ELF4: variants seen among roughly 807,000 people sequenced by gnomAD.
ELF4 encodes the protein ETS-related transcription factor Elf-4.
ELF4 carries 10 observed loss-of-function variants against 31.7 expected under a neutral mutation model. The observed-to-expected ratio is 0.32, with a 90% CI of 0.19 to 0.54. ELF4 has a LOEUF of 0.54. ELF4 is among the 20% of genes least tolerant of loss of function. The pLI is 0.95. For missense variants in ELF4, 418 were observed against 522.0 expected (o/e 0.80, Z 1.94); for synonymous variants, 208 against 226.7 (o/e 0.92, Z 0.74).
intron 1 of ELF4, among the ~76,000 whole-genome samples, chrX:130,101,786 G>T (rs186256944): frequency 9.9e-6 from 1 of 101,281 alleles, no homozygotes; most frequent in South Asian, 4.2e-4. Flanking sequence ...GCGACAAGAG[G>T]GAAACTCCGT....
rs931015302 is a variant in ELF4, at chrX:130,075,783, A to T, written c.76-1031T>A. Among the ~76,000 whole-genome samples the T allele has an allele frequency of 7.1e-5, 8 of 111,907 alleles. No individual in the cohort carries two copies. In the East Asian group the frequency reaches 2.2e-3, roughly 31 times the overall value. On this transcript the variant is annotated intron_variant, in intron 2 of 8. Coordinates refer to ENST00000308167, the MANE Select transcript of ELF4 (RefSeq NM_001421.4). ...AGTTCGCAGCCAGAGTTAGGGGCTC[A>T]GACATCTTCGGGCTCCGTCTGTGGC... is the stretch of plus-strand genomic sequence containing the variant.
chrX:130,080,640 A>C (rs987156057), intron 2 of ELF4, among the ~76,000 whole-genome samples: 4 of 110,999 alleles, frequency 3.6e-5, no homozygotes, highest in African/African-American at 1.3e-4. Flanking sequence ...ATCTAAGTGC[A>C]CAGAAAACGT....
At chrX:130,072,193 GA>G in intron 5 of ELF4, 32 bp downstream of exon 5, 3 of 1,203,741 alleles carry the variant, frequency 2.5e-6, no homozygotes, top group Non-Finnish European at 3.4e-6. Context: ...CATCCCCTCG[GA>G]GACACACATA....
rs1346446966 is a variant in ELF4 at position 130,069,405 on chromosome X, G to C, written c.1082C>G (p.Ser361Cys). The C allele has an allele frequency of 1.7e-6, 2 of 1,210,626 alleles. No homozygotes were observed. The highest frequency in any genetic ancestry group is 3.5e-5 in the African/African-American group (2 of 57,364). ...PKIQHVGLQPSASLELGPSLD... is the reference protein window; with the variant it reads ...PKIQHVGLQPCASLELGPSLD... Reference sequence around the variant, plus strand: ...CGACGGTCCCAATTCCAGACTCGCAGATGGCTGGAGACCGACATGCTGAAT... The same window carrying C: ...CGACGGTCCCAATTCCAGACTCGCACATGGCTGGAGACCGACATGCTGAAT... The change falls in exon 8 of 9, where the codon TCT becomes TGT. Residue 361 changes from serine to cysteine, a missense_variant. Physicochemically the swap from Ser to Cys is moderately radical, Grantham distance 112 (BLOSUM62 -1). Coordinates refer to ENST00000308167, the MANE Select transcript of ELF4 (RefSeq NM_001421.4).
chrX:130,072,183 C>CCAACCCA, intron 5 of ELF4, 43 bp downstream of exon 5: 1 of 1,175,008 alleles, frequency 8.5e-7, no homozygotes, highest in Non-Finnish European at 1.2e-6. Flanking sequence ...ACGCCCCGCC[C>CCAACCCA]ATCCCCTCGG....
chrX:130,067,313 G>A lies in ELF4; in HGVS notation c.1400C>T (p.Ala467Val). 3.3e-6 allele frequency: 4 copies of A among 1,212,137 alleles called. No individual in the cohort carries two copies. Among genetic ancestry groups the A allele is most frequent in the Non-Finnish European group, 4.5e-6 (4 of 895,565 alleles). The change falls in exon 9 of 9, where the codon GCC becomes GTC. Residue 467 changes from alanine (A) to valine (V), a missense_variant. Physicochemically the swap from Ala to Val is moderately conservative, Grantham distance 64 (BLOSUM62 0). Around this residue, in one of 4 missense-constraint regions of ELF4, gnomAD observed 260 missense variants for 269.2 expected, o/e 0.97. Coordinates refer to ENST00000308167, the MANE Select transcript of ELF4 (RefSeq NM_001421.4). ...TGCCACCTGGCTGTCTTGGAAACTG[G>A]CGTTCAGGGGGAAAGAGGCCTGCAA... Reference protein sequence around the residue: ...FTLQASFPLNASFQDSQVAAP... With the variant: ...FTLQASFPLNVSFQDSQVAAP...
At position 130,102,310 on chromosome X, in the gene ELF4, T is replaced by C. The variant is rs776354576; in HGVS notation, c.-210+8015A>G. Among the ~76,000 whole-genome samples, 10 of 111,940 alleles carry C rather than the reference T, an allele frequency of 8.9e-5. No individual in the cohort carries two copies. The East Asian group carries it at 2.8e-3, about 31-fold the overall frequency. On this transcript the variant is annotated intron_variant, in intron 1 of 8. Transcript: ENST00000308167. ...AAAACAACTTCAAACAAAAGCAAAG[T>C]TGAAAGGCTAATACTACCTGATTTC...
chrX:130,110,943 G>A (rs1350882673), upstream of ELF4, among the ~76,000 whole-genome samples: 7 of 89,797 alleles, frequency 7.8e-5, no homozygotes, highest in Non-Finnish European at 1.3e-4. Flanking sequence ...GCGCGAAGGA[G>A]GCAGGGCGGG....
At position 130,073,957 on chromosome X, in the gene ELF4, C is replaced by T. The variant is rs997778593; in HGVS notation, c.340+92G>A. 21 of 938,053 alleles carry T rather than the reference C, an allele frequency of 2.2e-5. No individual in the cohort carries two copies. The African/African-American group carries it at 3.6e-4, about 16-fold the overall frequency. The allele number at this position is 938,053 out of a possible 1,213,427, so 77.3% of individuals were successfully genotyped here. A position where few individuals can be genotyped will look rare whatever the true frequency, so the allele number is the denominator to read the frequency against. Reference sequence around the variant, plus strand: ...GGTGTGGTGCATGTATACCTGTGTGCACACATGCCTGAGAAACCAATACAT... The same window carrying T: ...GGTGTGGTGCATGTATACCTGTGTGTACACATGCCTGAGAAACCAATACAT... On this transcript the variant is annotated intron_variant, in intron 4 of 8. Coordinates refer to ENST00000308167, the MANE Select transcript of ELF4 (RefSeq NM_001421.4).
rs1306470310 is a variant in ELF4, at chrX:130,064,695, G to T, written c.*2026C>A. Reference sequence around the variant, plus strand: ...AAAGGGTGATGGGGGATGCAGGAGAGCCCAGCTAGTGTGGGCTCACGGGGG... The same window carrying T: ...AAAGGGTGATGGGGGATGCAGGAGATCCCAGCTAGTGTGGGCTCACGGGGG... On this transcript the variant is annotated 3_prime_UTR_variant, in exon 9 of 9. Transcript: ENST00000308167. Among the ~76,000 whole-genome samples the T allele has an allele frequency of 9.0e-6, 1 of 111,306 alleles. No homozygotes were observed. Among genetic ancestry groups the T allele is most frequent in the Non-Finnish European group, 1.9e-5 (1 of 52,998 alleles).
chrX:130,106,389 T>TGG (rs969716603), intron 1 of ELF4, among the ~76,000 whole-genome samples: 4 of 111,628 alleles, frequency 3.6e-5, no homozygotes, highest in Non-Finnish European at 7.5e-5. Flanking sequence ...TAGCATCGGT[T>TGG]GGGCACACAG....
chrX:130,077,111 T>C (rs1419843830), intron 2 of ELF4, among the ~76,000 whole-genome samples: 1 of 111,010 alleles, frequency 9.0e-6, no homozygotes, highest in Non-Finnish European at 1.9e-5. Context: ...TCTAGAGCTG[T>C]CCATGATGAT....
In ELF4 at chrX:130,067,460, G is replaced by A; in HGVS notation, c.1253C>T (p.Thr418Ile). 8.3e-7 allele frequency: 1 copy of A among 1,211,955 alleles called. No homozygotes were observed. The highest frequency in any genetic ancestry group is 1.7e-5 in the African/African-American group (1 of 57,830). Residue 418 changes from threonine (T) to isoleucine (I), a missense_variant, in exon 9 of 9, where the codon ACC becomes ATC. Physicochemically the swap from Thr to Ile is moderately conservative, Grantham distance 89. This residue lies in a region of ELF4 where 260 missense variants were observed against 269.2 expected (regional missense o/e 0.97). Transcript: ENST00000308167. ...CGTGGTCAGTGGGATCGTCTGCAGG[G>A]TCAGGGCCGAGCCCGACCCCACGGG... ...VAPVGSGSALTLQTIPLTTVL... is the reference protein window; with the variant it reads ...VAPVGSGSALILQTIPLTTVL...
chrX:130,070,968 G>A (rs2124614099), intron 7 of ELF4, 72 bp downstream of exon 7: 6 of 1,167,195 alleles, frequency 5.1e-6, no homozygotes, highest in Non-Finnish European at 7.0e-6. Context: ...AAAGCGAGGA[G>A]GACTCCTTGG....
chrX:130,104,146 C>G (rs1438340467), intron 1 of ELF4, among the ~76,000 whole-genome samples: 1 of 111,353 alleles, frequency 9.0e-6, no homozygotes, highest in African/African-American at 3.3e-5. Context: ...AAGAAACTAA[C>G]TTACTCTTAT....
Position 130,066,688 on chromosome X carries a change from C to T in ELF4, c.*33G>A. Reference sequence around the variant, plus strand: ...CCTATGAAAATGCTGCTCAATTTTGCCTGGTGGGTCACACTTGCCCTGACC... The same window carrying T: ...CCTATGAAAATGCTGCTCAATTTTGTCTGGTGGGTCACACTTGCCCTGACC... On this transcript the variant is annotated 3_prime_UTR_variant, in exon 9 of 9. Transcript: ENST00000308167. 1.7e-6 allele frequency: 2 copies of T among 1,196,151 alleles called. No homozygotes were observed. Among genetic ancestry groups the T allele is most frequent in the Non-Finnish European group, 2.3e-6 (2 of 884,176 alleles).
Position 130,069,359 on chromosome X carries a change from A to G in ELF4, c.1128T>C (p.Thr376=). The G allele has an allele frequency of 1.6e-6, 2 of 1,212,129 alleles. No individual in the cohort carries two copies. Among genetic ancestry groups the G allele is most frequent in the Non-Finnish European group, 2.2e-6 (2 of 895,590 alleles). Residue 376 remains threonine (T), a synonymous_variant, in exon 8 of 9, where the codon ACT becomes ACC. Coordinates refer to ENST00000308167, the MANE Select transcript of ELF4 (RefSeq NM_001421.4). ...CTGGAGAGACGAGCATGGTGGAGGTAGTGGGGATCTCCTCGTCTAGCGACG... is the reference window on the plus strand; with the variant it reads ...CTGGAGAGACGAGCATGGTGGAGGTGGTGGGGATCTCCTCGTCTAGCGACG... The part of the protein sequence containing the change: ...LGPSLDEEIP[T]TSTMLVSPAE...
intron 3 of ELF4, 106 bp downstream of exon 3, chrX:130,074,475 C>T (rs1932815383): frequency 6.5e-6 from 7 of 1,080,901 alleles, no homozygotes; most frequent in Non-Finnish European, 8.9e-6. Context: ...GGCTGGTGGA[C>T]TTGCCCATTC....
intron 1 of ELF4, among the ~76,000 whole-genome samples, chrX:130,101,546 A>G (rs959092932): frequency 1.8e-5 from 2 of 111,764 alleles, no homozygotes; most frequent in Non-Finnish European, 3.8e-5. Flanking sequence ...TAATCCCAGC[A>G]CTTTGGAAGG....
Sources: allele counts gnomAD v4.1 joint callset (sites outside exome capture counted in the v4.1 genomes callset), GRCh38; gene constraint gnomAD v4.1.1; regional missense constraint gnomAD v4.1.1; transcripts MANE v1.5; gene names NCBI Gene and HGNC (gene_info 2026-07-23, HGNC 2026-07-21).